Variants in PHLDB2 observed in about 807,000 individuals in gnomAD.
The protein encoded by PHLDB2 is pleckstrin homology like domain family B member 2.
Under a neutral mutation model 123.6 loss-of-function variants are expected in PHLDB2, and 71 were observed. The ratio of observed to expected loss-of-function variants is 0.57; its 90% CI spans 0.47 to 0.70. The LOEUF is 0.70. Ranked by LOEUF, PHLDB2 falls within the 30% of genes least tolerant of loss-of-function variation. The pLI, the probability that PHLDB2 is intolerant of heterozygous loss-of-function variation, is 0.00. For synonymous variants in PHLDB2, 547 were observed against 541.6 expected (o/e 1.01, Z -0.14); for missense variants, 1,446 against 1,519.5 (o/e 0.95, Z 0.80).
At chr3:111,752,196 T>A (rs1008241534) in intron 1 of PHLDB2, among the ~76,000 whole-genome samples, 1 of 150,552 alleles carries the variant, frequency 6.6e-6, no homozygotes, top group Non-Finnish European at 1.5e-5. Flanking sequence ...TCTCCGCATT[T>A]CTCTAGTCAG....
At chr3:111,906,893 A>G (rs563965110) in intron 2 of PHLDB2, among the ~76,000 whole-genome samples, 1 of 152,296 alleles carries the variant, frequency 6.6e-6, no homozygotes, top group African/African-American at 2.4e-5. Flanking sequence ...CATGCTATTT[A>G]AACTAAGGGT....
At chr3:111,924,081 C>G (rs1346822265) in intron 5 of PHLDB2, among the ~76,000 whole-genome samples, 2 of 152,110 alleles carry the variant, frequency 1.3e-5, no homozygotes, top group African/African-American at 4.8e-5. Context: ...GATTCATCCT[C>G]CCCCAACCCC....
intron 1 of PHLDB2, among the ~76,000 whole-genome samples, chr3:111,756,265 C>T: frequency 6.6e-6 from 1 of 151,694 alleles, no homozygotes; most frequent in African/African-American, 2.4e-5. Context: ...GTTAAAGTCT[C>T]CCATTATTAT....
At chr3:111,835,154 T>C (rs1400562844) in intron 1 of PHLDB2, among the ~76,000 whole-genome samples, 1 of 152,120 alleles carries the variant, frequency 6.6e-6, no homozygotes, top group African/African-American at 2.4e-5. Flanking sequence ...ATTTAATCCT[T>C]ATATCAGTTT....
chr3:111,887,926 G>C (rs1284517564), intron 2 of PHLDB2, among the ~76,000 whole-genome samples: 1 of 152,112 alleles, frequency 6.6e-6, no homozygotes, highest in Non-Finnish European at 1.5e-5. Context: ...TCATTAATGA[G>C]ATATTGTATT....
chr3:111,817,160 G>A (rs1034045257), intron 1 of PHLDB2, among the ~76,000 whole-genome samples: 3 of 152,032 alleles, frequency 2.0e-5, no homozygotes, highest in African/African-American at 4.8e-5. Flanking sequence ...ATGTGAAAAC[G>A]GACTAATACA....
chr3:111,970,118 G>A (rs562276523), intron 16 of PHLDB2, among the ~76,000 whole-genome samples: 2 of 152,092 alleles, frequency 1.3e-5, no homozygotes, highest in South Asian at 4.1e-4. Context: ...AACTTTATAT[G>A]TTACTTTAAA....
intron 1 of PHLDB2, among the ~76,000 whole-genome samples, chr3:111,831,028 AGAAAGG>A (rs2062995829): frequency 1.1e-5 from 1 of 93,256 alleles, no homozygotes; most frequent in African/African-American, 3.8e-5. Flanking sequence ...AAAGAAAGAA[AGAAAGG>A]AAGGAAGGAA....
intron 12 of PHLDB2, 83 bp from the exon 13 acceptor site, chr3:111,962,025 G>T: frequency 7.7e-7 from 1 of 1,303,348 alleles, no homozygotes; most frequent in Non-Finnish European, 1.1e-6. Flanking sequence ...GATGTTTCTG[G>T]TTGCTGGCTT....
At chr3:111,967,894 C>A (rs2071882421) in intron 15 of PHLDB2, 70 bp downstream of exon 15, 1 of 1,350,880 alleles carries the variant, frequency 7.4e-7, no homozygotes, top group East Asian at 2.7e-5. Context: ...GACAGCTGTT[C>A]TGTGTCTGAG....
At chr3:111,880,178 C>T (rs1249326945) in intron 1 of PHLDB2, among the ~76,000 whole-genome samples, 1 of 152,060 alleles carries the variant, frequency 6.6e-6, no homozygotes, top group East Asian at 1.9e-4. Flanking sequence ...TAGGGTAATA[C>T]TTCCAGGCTT....
chr3:111,783,388 T>A (rs764508125), intron 1 of PHLDB2, among the ~76,000 whole-genome samples: 2 of 152,130 alleles, frequency 1.3e-5, no homozygotes, highest in Non-Finnish European at 2.9e-5. Context: ...AGTGGCACGT[T>A]CTTTAAAATA....
chr3:111,935,742 C>T (rs955660982), intron 6 of PHLDB2, among the ~76,000 whole-genome samples: 24 of 152,100 alleles, frequency 1.6e-4, no homozygotes, highest in African/African-American at 4.8e-4. Context: ...CACGTTGTTT[C>T]TTGTTTTGTT....
chr3:111,839,127 G>A (rs2108538359), intron 1 of PHLDB2, among the ~76,000 whole-genome samples: 1 of 152,298 alleles, frequency 6.6e-6, no homozygotes, highest in African/African-American at 2.4e-5. Context: ...CCCTGGTACT[G>A]AGAGGGTGCA....
chr3:111,931,396 G>A (rs1348446202), intron 5 of PHLDB2, among the ~76,000 whole-genome samples: 1 of 152,212 alleles, frequency 6.6e-6, no homozygotes, highest in Non-Finnish European at 1.5e-5. Flanking sequence ...TGTAATCACT[G>A]TATTAGAGTA....
intron 1 of PHLDB2, among the ~76,000 whole-genome samples, chr3:111,841,974 C>T (rs1329938967): frequency 6.6e-6 from 1 of 152,332 alleles, no homozygotes; most frequent in East Asian, 1.9e-4. Context: ...AAGGAACAGA[C>T]TCACACAGAT....
chr3:111,853,593 C>T (rs1320878175), intron 2 of PHLDB2, among the ~76,000 whole-genome samples: 3 of 152,118 alleles, frequency 2.0e-5, no homozygotes, highest in South Asian at 2.1e-4. Flanking sequence ...AATGTGAGTT[C>T]AGCCAGGTGC....
intron 1 of PHLDB2, 140 bp from the exon 2 acceptor site, chr3:111,883,924 T>G: frequency 1.3e-6 from 1 of 756,442 alleles, no homozygotes; most frequent in Non-Finnish European, 2.1e-6. Flanking sequence ...TTTTAACAGG[T>G]TTTTTAGTAA....
chr3:111,838,138 C>T (rs772666225), intron 1 of PHLDB2, among the ~76,000 whole-genome samples: 3 of 152,056 alleles, frequency 2.0e-5, no homozygotes, highest in Non-Finnish European at 4.4e-5. Flanking sequence ...GGGTAAGGTA[C>T]CTGTAATTTT....
Sources: gnomAD v4.1 joint callset for allele counts (sites outside exome capture counted in the v4.1 genomes callset) on GRCh38, gnomAD v4.1.1 for gene constraint, MANE v1.5 for transcripts, NCBI Gene and HGNC (gene_info 2026-07-23, HGNC 2026-07-21) for gene names.